GRIN2B: variants seen among roughly 807,000 people sequenced by gnomAD.
The protein encoded by GRIN2B is glutamate receptor ionotropic, NMDA 2B.
In GRIN2B, 5 loss-of-function variants were observed where a neutral mutation model predicts 114.5. That is an observed-to-expected ratio of 0.04 (90% CI 0.02 to 0.09). The LOEUF (loss-of-function observed/expected upper bound fraction) is 0.09. Among genes scored for constraint, GRIN2B ranks in the 10% least tolerant of loss-of-function variants. The pLI is 1.00. For missense variants in GRIN2B, 1,108 were observed against 1,943.5 expected (o/e 0.57, Z 8.08); for synonymous variants, 787 against 745.1 (o/e 1.06, Z -0.92).
At chr12:13,853,007 G>C (rs1376977032) in intron 3 of GRIN2B, among the ~76,000 whole-genome samples, 2 of 152,058 alleles carry the variant, frequency 1.3e-5, no homozygotes, top group African/African-American at 4.8e-5. Flanking sequence ...TTTCCCACTT[G>C]AAGGCCTTCA....
chr12:13,590,750 T>G (rs889053516), intron 10 of GRIN2B, among the ~76,000 whole-genome samples: 1 of 152,206 alleles, frequency 6.6e-6, no homozygotes, highest in Non-Finnish European at 1.5e-5. Context: ...TTATAATCCT[T>G]TGGGCATATA....
At chr12:13,761,747 G>T (rs1032199279) in intron 3 of GRIN2B, among the ~76,000 whole-genome samples, 8 of 152,242 alleles carry the variant, frequency 5.3e-5, no homozygotes, top group African/African-American at 1.9e-4. Context: ...GCAACAATCA[G>T]GTTCTGTGAC....
chr12:13,790,649 ACTT>A (rs769826840), intron 3 of GRIN2B, among the ~76,000 whole-genome samples: 1 of 152,212 alleles, frequency 6.6e-6, no homozygotes, highest in Non-Finnish European at 1.5e-5. Flanking sequence ...GTGGAGAATC[ACTT>A]CTTTTCTTTC....
chr12:13,929,312 C>T lies in GRIN2B; in HGVS notation c.-19+50616G>A, dbSNP rs117452591. ...TAACTTGCATAGATTCACAGAAAAG[C>T]TCTAAACCAAACCGTTAAGCAAATA... On this transcript the variant is annotated intron_variant, in intron 2 of 13. Transcript: ENST00000609686. Among the ~76,000 whole-genome samples the T allele has an allele frequency of 1.3e-3, 194 of 150,404 alleles. 1 individual carries two copies. The highest frequency in any genetic ancestry group is 2.5e-3 in the Non-Finnish European group (170 of 67,732).
intron 3 of GRIN2B, among the ~76,000 whole-genome samples, chr12:13,762,927 C>T (rs1017034615): frequency 2.0e-5 from 3 of 151,898 alleles, no homozygotes; most frequent in African/African-American, 4.8e-5. Flanking sequence ...AAACATCCAG[C>T]GATGTGTTTT....
chr12:13,890,333 C>T (rs1247571923), intron 2 of GRIN2B, among the ~76,000 whole-genome samples: 2 of 152,198 alleles, frequency 1.3e-5, no homozygotes, highest in Non-Finnish European at 2.9e-5. Flanking sequence ...AAGCAAACTA[C>T]ATCAGGGATT....
chr12:13,941,401 A>C (rs1253724735), intron 2 of GRIN2B, among the ~76,000 whole-genome samples: 1 of 152,198 alleles, frequency 6.6e-6, no homozygotes, highest in Non-Finnish European at 1.5e-5. Flanking sequence ...GCAGGTTGCC[A>C]AACCCTCCTG....
At chr12:13,661,260 A>G (rs1299044526) in intron 5 of GRIN2B, among the ~76,000 whole-genome samples, 2 of 152,186 alleles carry the variant, frequency 1.3e-5, no homozygotes, top group Non-Finnish European at 2.9e-5. Context: ...TACTCTGCCA[A>G]GAAAAAAGAC....
Position 13,901,909 on chromosome 12 carries a change from AT to A in GRIN2B, c.-18-35684del, listed in dbSNP as rs1866459363. On this transcript the variant is annotated intron_variant, in intron 2 of 13. Coordinates refer to ENST00000609686, the MANE Select transcript of GRIN2B (RefSeq NM_000834.5). ...GTATATGCTGTGAGGTGAGAAATGTATTTTTTATACAGATATCAAATTTTTT... is the reference window on the plus strand; with the variant it reads ...GTATATGCTGTGAGGTGAGAAATGTATTTTTATACAGATATCAAATTTTTT... Among the ~76,000 whole-genome samples the A allele has an allele frequency of 2.0e-5, 3 of 152,120 alleles. No homozygotes were observed. The South Asian group carries it at 6.2e-4, about 31-fold the overall frequency.
chr12:13,788,360 C>T (rs1864255991), intron 3 of GRIN2B, among the ~76,000 whole-genome samples: 1 of 152,134 alleles, frequency 6.6e-6, no homozygotes. Context: ...TAAAATAACA[C>T]ATTTCTCTCA....
intron 2 of GRIN2B, among the ~76,000 whole-genome samples, chr12:13,921,834 C>T (rs1177312965): frequency 6.6e-6 from 1 of 152,012 alleles, no homozygotes; most frequent in African/African-American, 2.4e-5. Context: ...AGTAGGCATG[C>T]GATAGATATA....
chr12:13,738,585 C>T (rs192420776), intron 4 of GRIN2B, among the ~76,000 whole-genome samples: 43 of 152,280 alleles, frequency 2.8e-4, no homozygotes, highest in Middle Eastern at 3.4e-3. Context: ...TGTACCCTTT[C>T]CAAATTTTGA....
rs114594415 is a variant in GRIN2B, at chr12:13,831,517, G to C, written c.411+34281C>G. Among the ~76,000 whole-genome samples the C allele has an allele frequency of 3.1e-3, 470 of 152,306 alleles. 2 individuals carry two copies. The highest frequency in any genetic ancestry group is 0.01 in the African/African-American group (427 of 41,570). On this transcript the variant is annotated intron_variant, in intron 3 of 13. Transcript: ENST00000609686. ...TTACTAAAACCAAGGGCTATGGAGA[G>C]GGAGATTAGCATAATGCCAGACCAA...
At chr12:13,622,839 G>A (rs1347410875) in intron 5 of GRIN2B, among the ~76,000 whole-genome samples, 1 of 152,142 alleles carries the variant, frequency 6.6e-6, no homozygotes, top group African/African-American at 2.4e-5. Context: ...ACTCATGAGG[G>A]CAGAGCCTCA....
At chr12:13,871,530 T>G (rs1865906836) in intron 2 of GRIN2B, among the ~76,000 whole-genome samples, 1 of 151,866 alleles carries the variant, frequency 6.6e-6, no homozygotes, top group African/African-American at 2.4e-5. Flanking sequence ...AAAATACACT[T>G]TTAAATACAT....
intron 4 of GRIN2B, 122 bp from the exon 5 acceptor site, chr12:13,675,981 A>G: frequency 1.5e-6 from 1 of 682,760 alleles, no homozygotes; most frequent in South Asian, 1.6e-5. Context: ...TACAGATACC[A>G]TTATCAAATT....
intron 4 of GRIN2B, among the ~76,000 whole-genome samples, chr12:13,728,726 T>C (rs1030408968): frequency 6.6e-6 from 1 of 152,108 alleles, no homozygotes. Flanking sequence ...GAAAATTAGA[T>C]GGATGGATGG....
At chr12:13,821,964 C>T (rs532441445) in intron 3 of GRIN2B, among the ~76,000 whole-genome samples, 107 of 152,220 alleles carry the variant, frequency 7.0e-4, no homozygotes, top group Middle Eastern at 6.8e-3. Flanking sequence ...TAAATATTCT[C>T]GATCTCAGCC....
chr12:13,664,253 G>A (rs1949953277), intron 5 of GRIN2B, among the ~76,000 whole-genome samples: 1 of 152,132 alleles, frequency 6.6e-6, no homozygotes, highest in African/African-American at 2.4e-5. Flanking sequence ...GCTGAATGCA[G>A]AGAGGTGAGG....
Sources: gnomAD v4.1 joint callset for allele counts (sites outside exome capture counted in the v4.1 genomes callset) on GRCh38, gnomAD v4.1.1 for gene constraint, MANE v1.5 for transcripts, NCBI Gene and HGNC (gene_info 2026-07-23, HGNC 2026-07-21) for gene names.